The following NENF variants were observed in gnomAD, a reference collection of about 807,000 sequenced individuals.
NENF encodes neudesin.
Under a neutral mutation model 14.8 loss-of-function variants are expected in NENF, and 6 were observed. That is an observed-to-expected ratio of 0.40 (90% CI 0.22 to 0.80). The LOEUF (loss-of-function observed/expected upper bound fraction) is 0.80, where lower values mean the gene tolerates loss of function less well. Ranked by LOEUF, NENF falls within the 30% of genes least tolerant of loss-of-function variation. The probability of loss-of-function intolerance (pLI) is 0.34; values close to 1 mark genes in which losing one functional copy is unlikely to be tolerated. For missense variants in NENF, 184 were observed against 212.7 expected, an observed-to-expected ratio of 0.87 and a Z score of 0.84; for synonymous variants, 76 against 95.1, an observed-to-expected ratio of 0.80 and a Z score of 1.17.
chr1:212,439,616 G>A (rs1662668419), intron 1 of NENF, among the ~76,000 whole-genome samples: 1 of 148,216 alleles, frequency 6.7e-6, no homozygotes, highest in Non-Finnish European at 1.5e-5. Context: ...GGTCAAGGCA[G>A]GCAGATTACC....
At chr1:212,441,156 A>G (rs1260356241) in intron 1 of NENF, among the ~76,000 whole-genome samples, 1 of 152,238 alleles carries the variant, frequency 6.6e-6, no homozygotes, top group Non-Finnish European at 1.5e-5. Flanking sequence ...GCCCATTGTT[A>G]GTAGAACGGT....
At chr1:212,434,474 G>A (rs1454452404) in intron 1 of NENF, among the ~76,000 whole-genome samples, 1 of 152,200 alleles carries the variant, frequency 6.6e-6, no homozygotes, top group South Asian at 2.1e-4. Context: ...CCAGCCCCCA[G>A]TGAAAACCTT....
Position 212,445,868 on chromosome 1 carries a change from G to C in NENF, c.381G>C (p.Glu127Asp). The C allele has an allele frequency of 6.2e-7, 1 of 1,614,110 alleles. No individual in the cohort carries two copies. The highest frequency in any genetic ancestry group is 8.5e-7 in the Non-Finnish European group (1 of 1,180,018). The change falls in exon 4 of 4, where the codon GAG becomes GAC. Residue 127 changes from glutamate (E) to aspartate (D), a missense_variant. Coordinates refer to ENST00000366988, the MANE Select transcript of NENF (RefSeq NM_013349.5). ...LTAKELEALD[E>D]VFTKVYKAKY... is the part of the protein sequence containing the mutation. The stretch of plus-strand genomic sequence containing the variant: ...CCAAGGAACTGGAGGCCCTGGATGA[G>C]GTCTTCACCAAAGTGTACAAAGCCA...
At chr1:212,439,716 C>T (rs1571702623) in intron 1 of NENF, among the ~76,000 whole-genome samples, 1 of 137,284 alleles carries the variant, frequency 7.3e-6, no homozygotes, top group East Asian at 2.2e-4. Context: ...AAAAATTGGC[C>T]AGGCGTGGTG....
chr1:212,433,134 T>A lies in NENF; in HGVS notation c.177+14T>A. ...GGCGGGGAGGAGGTAGGCGGGGGTG[T>A]CGCGGGCCGAGGGACCCGGGGTGGC... is the stretch of plus-strand genomic sequence containing the variant. On this transcript the variant is annotated intron_variant, in intron 1 of 3. Coordinates refer to ENST00000366988, the MANE Select transcript of NENF (RefSeq NM_013349.5). The surrounding 1 kb of genome is among the most constrained non-coding windows in gnomAD (Gnocchi z 5.5). 1 of 1,176,124 alleles carries A rather than the reference T, an allele frequency of 8.5e-7. No individual in the cohort carries two copies. Among genetic ancestry groups the A allele is most frequent in the Non-Finnish European group, 1.1e-6 (1 of 951,318 alleles). The allele number at this position is 1,176,124 out of a possible 1,614,324, so 72.9% of individuals were successfully genotyped here.
chr1:212,444,740 C>A (rs911583564), intron 3 of NENF, among the ~76,000 whole-genome samples: 2 of 152,076 alleles, frequency 1.3e-5, no homozygotes, highest in Non-Finnish European at 2.9e-5. Context: ...AACTTGTGAT[C>A]CAACTCAGTG....
rs1022612797 is a variant in NENF at position 212,446,004 on chromosome 1, T to C, written c.517T>C (p.Ter173ArgextTer12). The change falls in exon 4 of 4, where the codon TGA becomes CGA. Residue 173 changes from the stop codon to arginine, a stop_lost. Transcript: ENST00000366988. ...QPHFDIKDEF[*>R] ...CCATTTTGACATCAAGGATGAGTTCTGATGTTCCCCCTGCAGGAGCAGGTT... is the reference window on the plus strand; with the variant it reads ...CCATTTTGACATCAAGGATGAGTTCCGATGTTCCCCCTGCAGGAGCAGGTT... 3.7e-6 allele frequency: 6 copies of C among 1,614,022 alleles called. No homozygotes were observed. The highest frequency in any genetic ancestry group is 5.1e-6 in the Non-Finnish European group (6 of 1,179,994).
chr1:212,440,626 T>C (rs1321753635), intron 1 of NENF, among the ~76,000 whole-genome samples: 2 of 152,162 alleles, frequency 1.3e-5, no homozygotes, highest in African/African-American at 2.4e-5. Flanking sequence ...TGCTAGGTAT[T>C]ACGTACACTC....
intron 1 of NENF, among the ~76,000 whole-genome samples, chr1:212,439,717 A>G (rs1242146975): frequency 1.5e-5 from 2 of 133,186 alleles, no homozygotes; most frequent in Non-Finnish European, 1.6e-5. Context: ...AAAATTGGCC[A>G]GGCGTGGTGA....
chr1:212,442,255 G>A (rs3767872), intron 1 of NENF, among the ~76,000 whole-genome samples: 13,106 of 152,270 alleles, frequency 0.086, 1,117 homozygotes, highest in East Asian at 0.41. Context: ...CAGGTGATCC[G>A]CCCGCCTTGG....
chr1:212,445,268 T>A (rs899397552), intron 3 of NENF, among the ~76,000 whole-genome samples: 50 of 149,216 alleles, frequency 3.4e-4, no homozygotes, highest in Admixed American at 2.0e-4. Context: ...AAAAAAAAAA[T>A]TTGTTTTTTA....
chr1:212,445,835 T>C lies in NENF; in HGVS notation c.348T>C (p.Gly116=). Residue 116 remains glycine, a synonymous_variant, in exon 4 of 4, where the codon GGT becomes GGC. Coordinates refer to ENST00000366988, the MANE Select transcript of NENF (RefSeq NM_013349.5). ...DPADLTHDTT[G]LTAKELEALD... ...CTTGGGCTTTTCTCCCCAAGACGGG[T>C]CTCACGGCCAAGGAACTGGAGGCCC... The C allele has an allele frequency of 6.2e-7, 1 of 1,614,098 alleles. No homozygotes were observed. The highest frequency in any genetic ancestry group is 2.2e-5 in the East Asian group (1 of 44,886).
chr1:212,433,250 G>C lies in NENF; in HGVS notation c.177+130G>C. 2.3e-6 allele frequency: 1 copy of C among 431,292 alleles called. No homozygotes were observed. 26.7% of individuals were successfully genotyped at this position (431,292 alleles called of 1,614,324 possible). A position where few individuals can be genotyped will look rare whatever the true frequency, so the allele number is the denominator to read the frequency against. ...CGCGCGGCCCGCGGCGGGCGCCCTGGGCCGGCGGGGGGCCTCCTCTCTCTA... is the reference window on the plus strand; with the variant it reads ...CGCGCGGCCCGCGGCGGGCGCCCTGCGCCGGCGGGGGGCCTCCTCTCTCTA... On this transcript the variant is annotated intron_variant, in intron 1 of 3. Coordinates refer to ENST00000366988, the MANE Select transcript of NENF (RefSeq NM_013349.5). The surrounding 1 kb of genome is among the most constrained non-coding windows in gnomAD (Gnocchi z 5.5).
At position 212,433,682 on chromosome 1, in the gene NENF, C is replaced by G. The variant is rs571671424; in HGVS notation, c.177+562C>G. Among the ~76,000 whole-genome samples, 382 of 152,070 alleles carry G rather than the reference C, an allele frequency of 2.5e-3. 1 individual carries two copies. The highest frequency in any genetic ancestry group is 4.3e-3 in the Non-Finnish European group (294 of 67,964). ...GGGCTCAGCCAAAGCTGGAAGTGAG[C>G]GCAGAGGGTGGACTGGAGGTTAGAG... On this transcript the variant is annotated intron_variant, in intron 1 of 3. Transcript: ENST00000366988. The surrounding 1 kb of genome is among the most constrained non-coding windows in gnomAD (Gnocchi z 5.5).
chr1:212,432,949 G>C lies in NENF; in HGVS notation c.6G>C (p.Val2=), dbSNP rs1662540616. The change falls in exon 1 of 4, where the codon GTG becomes GTC. Residue 2 remains valine (V), a synonymous_variant. Coordinates refer to ENST00000366988, the MANE Select transcript of NENF (RefSeq NM_013349.5). M[V]GPAPRRRLRP... is the part of the protein sequence containing the mutation. ...CCTTGCGCTGCGCGCTCACCATGGT[G>C]GGCCCCGCGCCGCGGCGGCGGCTGC... The C allele has an allele frequency of 1.2e-6, 1 of 868,884 alleles. No homozygotes were observed. The highest frequency in any genetic ancestry group is 1.8e-5 in the African/African-American group (1 of 55,342). 53.8% of individuals were successfully genotyped at this position (868,884 alleles called of 1,614,324 possible).
chr1:212,444,218 C>A (rs963404701), intron 2 of NENF, 121 bp from the exon 3 acceptor site: 1 of 516,714 alleles, frequency 1.9e-6, no homozygotes, highest in Non-Finnish European at 3.3e-6. Context: ...TTTGGCCTCT[C>A]CGTGAGCGTG....
chr1:212,438,617 ATTT>A (rs757959823), intron 1 of NENF, among the ~76,000 whole-genome samples: 4 of 124,894 alleles, frequency 3.2e-5, no homozygotes, highest in Admixed American at 8.3e-5. Context: ...GTGTGTCTGT[ATTT>A]TTTTTTTTTT....
At chr1:212,434,804 G>C (rs890340869) in intron 1 of NENF, 1 of 152,234 alleles carries the variant, frequency 6.6e-6, no homozygotes, top group Non-Finnish European at 1.5e-5. Flanking sequence ...TGCCAGAACT[G>C]CAAGATGAGG....
intron 1 of NENF, among the ~76,000 whole-genome samples, chr1:212,439,175 C>T (rs1203466876): frequency 6.6e-6 from 1 of 152,148 alleles, no homozygotes; most frequent in Non-Finnish European, 1.5e-5. Flanking sequence ...TATAATATGA[C>T]TTCCTCTTCG....
Sources: gnomAD v4.1 joint callset for allele counts (sites outside exome capture counted in the v4.1 genomes callset) on GRCh38, gnomAD v4.1.1 for gene constraint, Gnocchi (gnomAD v3.1) non-coding constraint, MANE v1.5 for transcripts, NCBI Gene and HGNC (gene_info 2026-07-23, HGNC 2026-07-21) for gene names.